TENM2: variants seen among roughly 807,000 people sequenced by gnomAD.
TENM2 encodes teneurin transmembrane protein 2, also known as teneurin-2.
Under a neutral mutation model 245.2 loss-of-function variants are expected in TENM2, and 52 were observed. The ratio of observed to expected loss-of-function variants is 0.21; its 90% CI spans 0.17 to 0.27. TENM2 has a LOEUF of 0.27. TENM2 is among the 10% of genes least tolerant of loss of function. The pLI is 1.00. For missense variants in TENM2, 3,046 were observed against 3,666.8 expected, an observed-to-expected ratio of 0.83 and a Z score of 4.37; for synonymous variants, 1,363 against 1,438.9, an observed-to-expected ratio of 0.95 and a Z score of 1.19.
the TENM2 span, among the ~76,000 whole-genome samples, chr5:167,078,449 C>G: frequency 6.6e-6 from 1 of 151,934 alleles, no homozygotes; most frequent in African/African-American, 2.4e-5. Flanking sequence ...CGCCATTGCA[C>G]TCTAGCCTGG....
chr5:167,899,784 C>A (rs1379728221), intron 3 of TENM2, among the ~76,000 whole-genome samples: 2 of 152,248 alleles, frequency 1.3e-5, no homozygotes, highest in Non-Finnish European at 2.9e-5. Flanking sequence ...AGCAGATTCC[C>A]TTTCTGGAGT....
intron 2 of TENM2, among the ~76,000 whole-genome samples, chr5:167,661,556 T>C (rs775856326): frequency 6.6e-6 from 1 of 152,208 alleles, no homozygotes. Flanking sequence ...GTTAATTTGG[T>C]CAAGTGGTTT....
intron 2 of TENM2, among the ~76,000 whole-genome samples, chr5:167,695,949 A>G (rs1757736153): frequency 6.6e-6 from 1 of 151,310 alleles, no homozygotes; most frequent in Admixed American, 6.6e-5. Flanking sequence ...CAGGAGAATG[A>G]TGTGAACCTG....
rs139505868 is a variant in TENM2 at position 167,505,446 on chromosome 5, C to A, written c.502+129973C>A. The stretch of plus-strand genomic sequence containing the variant: ...AGTTTAAATATTTAAAGCACAGAGA[C>A]CTTAGTAAAAAGAAGGGATTTATGT... On this transcript the variant is annotated intron_variant, in intron 2 of 28. Transcript: ENST00000518659. Among the ~76,000 whole-genome samples, 239 of 152,112 alleles carry A rather than the reference C, an allele frequency of 1.6e-3. 2 individuals are homozygous for A. Among genetic ancestry groups the A allele is most frequent in the Non-Finnish European group, 2.4e-3 (160 of 68,000 alleles).
At position 168,117,382 on chromosome 5, in the gene TENM2, A is replaced by G. The variant is rs186417824; in HGVS notation, c.1814-910A>G. On this transcript the variant is annotated intron_variant, in intron 9 of 28. Coordinates refer to ENST00000518659, the Ensembl canonical transcript of TENM2. Reference sequence around the variant, plus strand: ...TAGTCCCTCCTTATCCTCAGGGGATACATTCCAAGACCCCCTGTGTGTACC... The same window carrying G: ...TAGTCCCTCCTTATCCTCAGGGGATGCATTCCAAGACCCCCTGTGTGTACC... Among the ~76,000 whole-genome samples, 97 of 152,360 alleles carry G rather than the reference A, an allele frequency of 6.4e-4. No homozygotes were observed. The South Asian group carries it at 6.4e-3, about 10-fold the overall frequency.
chr5:168,047,397 C>T, intron 5 of TENM2, 30 bp from the exon 8 acceptor site: 1 of 1,551,472 alleles, frequency 6.4e-7, no homozygotes, highest in Non-Finnish European at 8.7e-7. Context: ...ATTATCTATT[C>T]ATATTTTCAT....
chr5:167,996,536 G>T (rs539245862), intron 5 of TENM2, among the ~76,000 whole-genome samples: 10 of 152,254 alleles, frequency 6.6e-5, no homozygotes, highest in African/African-American at 2.4e-4. Flanking sequence ...GGCAGCTCAG[G>T]TACTTTCATT....
chr5:167,438,687 G>A (rs761024493), intron 2 of TENM2, among the ~76,000 whole-genome samples: 11 of 152,146 alleles, frequency 7.2e-5, no homozygotes, highest in Non-Finnish European at 7.3e-5. Flanking sequence ...ATGAGCCACC[G>A]CATCTGGCCT....
chr5:167,672,345 A>T (rs974985381), intron 2 of TENM2, among the ~76,000 whole-genome samples: 4 of 152,088 alleles, frequency 2.6e-5, no homozygotes, highest in Admixed American at 2.6e-4. Context: ...TTTAATAAAA[A>T]AGATAGATTG....
intron 8 of TENM2, 75 bp from the exon 11 acceptor site, chr5:168,097,951 G>A: frequency 5.5e-6 from 6 of 1,088,058 alleles, no homozygotes; most frequent in Middle Eastern, 2.0e-4. Flanking sequence ...TTTAAAAGTG[G>A]CAAGTTACTG....
At chr5:167,123,274 C>T in the TENM2 span, among the ~76,000 whole-genome samples, 2 of 152,278 alleles carry the variant, frequency 1.3e-5, no homozygotes, top group Admixed American at 6.5e-5. Context: ...GAGCCAAGAT[C>T]GTGCCACTGC....
At chr5:167,577,182 G>C (rs568176822) in intron 2 of TENM2, among the ~76,000 whole-genome samples, 3 of 152,264 alleles carry the variant, frequency 2.0e-5, no homozygotes, top group Non-Finnish European at 2.9e-5. Context: ...ATCTATGGGA[G>C]TATTTATTTT....
At chr5:168,251,053 T>C (rs1301214787) in intron 27 of TENM2, among the ~76,000 whole-genome samples, 1 of 152,018 alleles carries the variant, frequency 6.6e-6, no homozygotes, top group Non-Finnish European at 1.5e-5. Flanking sequence ...CAGGAAACTG[T>C]GAATGGGGAG....
chr5:167,358,196 C>G (rs1759468123), intron 1 of TENM2, among the ~76,000 whole-genome samples: 1 of 152,184 alleles, frequency 6.6e-6, no homozygotes, highest in African/African-American at 2.4e-5. Context: ...AGCTGTCTAT[C>G]ACATTGCTTC....
chr5:168,071,578 A>G (rs1444353243), intron 7 of TENM2, among the ~76,000 whole-genome samples: 1 of 152,238 alleles, frequency 6.6e-6, no homozygotes, highest in East Asian at 1.9e-4. Context: ...ATTTTTCTAT[A>G]AACTCATTTT....
At chr5:167,158,231 C>A in the TENM2 span, among the ~76,000 whole-genome samples, 3 of 152,120 alleles carry the variant, frequency 2.0e-5, no homozygotes, top group Non-Finnish European at 4.4e-5. Context: ...AAATGTGCAA[C>A]TTATTAAGTT....
intron 9 of TENM2, among the ~76,000 whole-genome samples, chr5:168,113,372 T>G (rs1222264298): frequency 1.3e-5 from 2 of 152,134 alleles, no homozygotes; most frequent in African/African-American, 4.8e-5. Flanking sequence ...AAAACAGACT[T>G]CAAATAATTT....
intron 2 of TENM2, among the ~76,000 whole-genome samples, chr5:167,700,997 C>T (rs1304378388): frequency 7.1e-6 from 1 of 140,832 alleles, no homozygotes; most frequent in East Asian, 2.1e-4. Flanking sequence ...TGGGGAACTC[C>T]AGGGAAAACA....
chr5:167,115,167 G>C, the TENM2 span, among the ~76,000 whole-genome samples: 1 of 152,138 alleles, frequency 6.6e-6, no homozygotes, highest in Non-Finnish European at 1.5e-5. Flanking sequence ...CACAATAAAG[G>C]AAAGATCACA....
Sources: gnomAD v4.1 joint callset for allele counts (sites outside exome capture counted in the v4.1 genomes callset) on GRCh38, gnomAD v4.1.1 for gene constraint, MANE v1.5 for transcripts, NCBI Gene and HGNC (gene_info 2026-07-23, HGNC 2026-07-21) for gene names.